The following BASP1 variants were observed in gnomAD, a reference collection of about 807,000 sequenced individuals.
The protein encoded by BASP1 is brain abundant membrane attached signal protein 1.
BASP1 carries 1 observed loss-of-function variant against 2.2 expected under a neutral mutation model. The ratio of observed to expected loss-of-function variants is 0.46; its 90% CI spans 0.16 to 2.17. BASP1 has a LOEUF of 2.17. Ranked by LOEUF, BASP1 falls within the 30% of genes most tolerant of loss-of-function variation. The pLI, the probability that BASP1 is intolerant of heterozygous loss-of-function variation, is 0.27. For synonymous variants in BASP1, 187 were observed against 154.2 expected (o/e 1.21, Z -1.58); for missense variants, 352 against 327.2 (o/e 1.08, Z -0.58).
intron 1 of BASP1, among the ~76,000 whole-genome samples, chr5:17,259,249 TG>T (rs996364523): frequency 6.6e-6 from 1 of 152,110 alleles, no homozygotes; most frequent in Admixed American, 6.5e-5. Context: ...TCAACTCTCG[TG>T]AGACTCATTC....
At chr5:17,222,156 A>G (rs745376850) in intron 1 of BASP1, among the ~76,000 whole-genome samples, 1 of 152,108 alleles carries the variant, frequency 6.6e-6, no homozygotes, top group Non-Finnish European at 1.5e-5. Context: ...TTAAGTTAGA[A>G]GTAGGATGTC....
chr5:17,250,706 G>A (rs1740085052), intron 1 of BASP1, among the ~76,000 whole-genome samples: 1 of 152,198 alleles, frequency 6.6e-6, no homozygotes, highest in Admixed American at 6.5e-5. Context: ...CCGGGTTCAT[G>A]CCATTCTCCT....
At chr5:17,231,111 T>C (rs1445682791) in intron 1 of BASP1, among the ~76,000 whole-genome samples, 1 of 152,222 alleles carries the variant, frequency 6.6e-6, no homozygotes, top group African/African-American at 2.4e-5. Context: ...TTCACTGAAT[T>C]GTTTTCTACA....
At chr5:17,246,299 G>A (rs991698826) in intron 1 of BASP1, among the ~76,000 whole-genome samples, 2 of 151,808 alleles carry the variant, frequency 1.3e-5, no homozygotes, top group African/African-American at 4.8e-5. Flanking sequence ...GGCCAACATG[G>A]TGAAACCCTG....
At chr5:17,244,739 T>A (rs1402429172) in intron 1 of BASP1, among the ~76,000 whole-genome samples, 1 of 150,634 alleles carries the variant, frequency 6.6e-6, no homozygotes, top group East Asian at 2.0e-4. Flanking sequence ...GTTGCCAGGC[T>A]GTAGTGCAGT....
At chr5:17,227,400 ATAT>A (rs1739533759) in intron 1 of BASP1, among the ~76,000 whole-genome samples, 1 of 145,772 alleles carries the variant, frequency 6.9e-6, no homozygotes, top group Non-Finnish European at 1.5e-5. Flanking sequence ...TTATATATAT[ATAT>A]ATATACAATA....
chr5:17,247,012 C>A (rs1250660064), intron 1 of BASP1, among the ~76,000 whole-genome samples: 2 of 152,178 alleles, frequency 1.3e-5, no homozygotes, highest in East Asian at 3.9e-4. Context: ...CATGGCGAAA[C>A]CCTGTGTCTA....
intron 1 of BASP1, among the ~76,000 whole-genome samples, chr5:17,262,481 C>T (rs1403191798): frequency 6.6e-6 from 1 of 152,226 alleles, no homozygotes; most frequent in Non-Finnish European, 1.5e-5. Flanking sequence ...TTTGTTTCCT[C>T]ATGCTAAAGT....
At chr5:17,232,283 T>C (rs1211198144) in intron 1 of BASP1, among the ~76,000 whole-genome samples, 1 of 152,260 alleles carries the variant, frequency 6.6e-6, no homozygotes, top group African/African-American at 2.4e-5. Context: ...TTCCAGGTTA[T>C]TGAATGCTTT....
intron 1 of BASP1, among the ~76,000 whole-genome samples, chr5:17,269,349 T>A (rs1210857628): frequency 1.3e-5 from 2 of 152,226 alleles, no homozygotes; most frequent in Non-Finnish European, 2.9e-5. Flanking sequence ...CAGAAGGTGA[T>A]GGGTATGTAT....
At chr5:17,257,845 C>T (rs1740244707) in intron 1 of BASP1, among the ~76,000 whole-genome samples, 1 of 152,184 alleles carries the variant, frequency 6.6e-6, no homozygotes. Context: ...AAACCTTGAA[C>T]AATGGAAGCT....
chr5:17,273,357 C>A (rs1740567361), intron 1 of BASP1, among the ~76,000 whole-genome samples: 1 of 151,940 alleles, frequency 6.6e-6, no homozygotes, highest in Non-Finnish European at 1.5e-5. Flanking sequence ...TCCAATAGAG[C>A]CTGTCTGAAG....
chr5:17,275,381 G>A lies in BASP1; in HGVS notation c.165G>A (p.Lys55=). 6.3e-7 allele frequency: 1 copy of A among 1,595,340 alleles called. No individual in the cohort carries two copies. The highest frequency in any genetic ancestry group is 8.5e-7 in the Non-Finnish European group (1 of 1,171,394). Residue 55 remains lysine (K), a synonymous_variant, in exon 2 of 2, where the codon AAG becomes AAA. Transcript: ENST00000322611. The surrounding 1 kb of genome is among the most constrained non-coding windows in gnomAD (Gnocchi z 5.3). ...AAEPAEAKEG[K]EKPDQDAEGK... is the part of the protein sequence containing the mutation. Reference sequence around the variant, plus strand: ...AGCCCGCCGAGGCCAAGGAGGGCAAGGAGAAGCCCGACCAGGACGCCGAGG... The same window carrying A: ...AGCCCGCCGAGGCCAAGGAGGGCAAAGAGAAGCCCGACCAGGACGCCGAGG...
intron 1 of BASP1, among the ~76,000 whole-genome samples, chr5:17,252,217 C>T (rs2126508343): frequency 6.6e-6 from 1 of 152,190 alleles, no homozygotes; most frequent in East Asian, 1.9e-4. Flanking sequence ...TCATTTTTGC[C>T]ATTCGGCTAT....
intron 1 of BASP1, among the ~76,000 whole-genome samples, chr5:17,222,161 G>A (rs1310778712): frequency 2.0e-5 from 3 of 152,042 alleles, no homozygotes; most frequent in Non-Finnish European, 4.4e-5. Flanking sequence ...TTAGAAGTAG[G>A]ATGTCTCAAT....
intron 1 of BASP1, among the ~76,000 whole-genome samples, chr5:17,245,685 G>C (rs1312914944): frequency 6.7e-6 from 1 of 150,170 alleles, no homozygotes; most frequent in African/African-American, 2.5e-5. Context: ...AGTTTTTACT[G>C]TTTGGCTTAC....
intron 1 of BASP1, among the ~76,000 whole-genome samples, chr5:17,237,138 G>C (rs756194066): frequency 1.3e-5 from 2 of 152,150 alleles, no homozygotes; most frequent in Non-Finnish European, 2.9e-5. Flanking sequence ...GAGGTTAGGA[G>C]ATCCAGACCA....
intron 1 of BASP1, among the ~76,000 whole-genome samples, chr5:17,261,898 G>C (rs1488343121): frequency 6.6e-6 from 1 of 152,138 alleles, no homozygotes; most frequent in East Asian, 1.9e-4. Context: ...CATGTGCTCT[G>C]TGAGCCCTTT....
chr5:17,244,280 G>C (rs1430230960), intron 1 of BASP1, among the ~76,000 whole-genome samples: 1 of 152,156 alleles, frequency 6.6e-6, no homozygotes, highest in African/African-American at 2.4e-5. Context: ...CATCAGACTT[G>C]ATTCTCTATG....
Sources: gnomAD v4.1 joint callset for allele counts (sites outside exome capture counted in the v4.1 genomes callset) on GRCh38, gnomAD v4.1.1 for gene constraint, Gnocchi (gnomAD v3.1) non-coding constraint, MANE v1.5 for transcripts, NCBI Gene and HGNC (gene_info 2026-07-23, HGNC 2026-07-21) for gene names.